The following MDGA2 variants were observed in gnomAD, a reference collection of about 807,000 sequenced individuals.
MDGA2 encodes the protein MAM domain containing glycosylphosphatidylinositol anchor 2.
In MDGA2, 40 loss-of-function variants were observed where a neutral mutation model predicts 117.8. The observed-to-expected ratio is 0.34, with a 90% CI of 0.26 to 0.44. The LOEUF (loss-of-function observed/expected upper bound fraction) is 0.44, where lower values mean the gene tolerates loss of function less well. Among genes scored for constraint, MDGA2 ranks in the 20% least tolerant of loss-of-function variants. The probability of loss-of-function intolerance (pLI) is 1.00; values close to 1 mark genes in which losing one functional copy is unlikely to be tolerated. For missense variants in MDGA2, 1,123 were observed against 1,250.6 expected, an observed-to-expected ratio of 0.90 and a Z score of 1.54; for synonymous variants, 452 against 439.0, an observed-to-expected ratio of 1.03 and a Z score of -0.37.
At chr14:47,574,040 A>G (rs1896069149) in intron 1 of MDGA2, among the ~76,000 whole-genome samples, 1 of 152,164 alleles carries the variant, frequency 6.6e-6, no homozygotes, top group Non-Finnish European at 1.5e-5. Flanking sequence ...TAAACTTCAC[A>G]TGGTGTATAT....
chr14:46,889,341 C>G (rs965371976), intron 10 of MDGA2, among the ~76,000 whole-genome samples: 1 of 151,990 alleles, frequency 6.6e-6, no homozygotes, highest in African/African-American at 2.4e-5. Context: ...CTATTAACAC[C>G]TTTAGAAGTG....
At chr14:47,308,706 A>G (rs1192048886) in intron 1 of MDGA2, among the ~76,000 whole-genome samples, 1 of 151,078 alleles carries the variant, frequency 6.6e-6, no homozygotes, top group Non-Finnish European at 1.5e-5. Context: ...TTATCCTCCC[A>G]TCAACAGGAC....
intron 2 of MDGA2, among the ~76,000 whole-genome samples, chr14:47,258,295 G>T (rs1887687570): frequency 6.6e-6 from 1 of 152,102 alleles, no homozygotes; most frequent in East Asian, 1.9e-4. Flanking sequence ...AGTTCTGCAG[G>T]CTGTACAGGA....
At chr14:46,930,806 G>A (rs1263993197) in intron 9 of MDGA2, among the ~76,000 whole-genome samples, 3 of 151,940 alleles carry the variant, frequency 2.0e-5, no homozygotes, top group Non-Finnish European at 4.4e-5. Flanking sequence ...TTATCTTCCT[G>A]TTTTTTAAAT....
chr14:47,088,304 G>C (rs2138931812), intron 6 of MDGA2, among the ~76,000 whole-genome samples: 1 of 152,070 alleles, frequency 6.6e-6, no homozygotes, highest in African/African-American at 2.4e-5. Context: ...CATTCTCTCT[G>C]GTGTTTTGGG....
At chr14:47,263,138 T>A (rs1887853993) in intron 2 of MDGA2, among the ~76,000 whole-genome samples, 1 of 152,116 alleles carries the variant, frequency 6.6e-6, no homozygotes. Flanking sequence ...GACATCCGGC[T>A]TCTAAGATGC....
intron 8 of MDGA2, among the ~76,000 whole-genome samples, chr14:47,029,863 T>C (rs1441794316): frequency 1.3e-5 from 2 of 152,118 alleles, no homozygotes; most frequent in Non-Finnish European, 2.9e-5. Context: ...AGTATTGCTC[T>C]GTCACTCATG....
intron 1 of MDGA2, among the ~76,000 whole-genome samples, chr14:47,486,218 A>T (rs1305068230): frequency 6.6e-6 from 1 of 152,192 alleles, no homozygotes; most frequent in Non-Finnish European, 1.5e-5. Flanking sequence ...CATGACCTGG[A>T]TGTGAGACAT....
chr14:47,026,862 T>G (rs1888491337), intron 8 of MDGA2, among the ~76,000 whole-genome samples: 1 of 152,182 alleles, frequency 6.6e-6, no homozygotes, highest in Admixed American at 6.5e-5. Flanking sequence ...AACAGAGGCA[T>G]GTAAACTTTT....
rs1882211880 is a variant in MDGA2, at chr14:47,131,702, A to T, written c.925+12T>A. 6.7e-7 allele frequency: 1 copy of T among 1,491,874 alleles called. No individual in the cohort carries two copies. Among genetic ancestry groups the T allele is most frequent in the East Asian group, 2.3e-5 (1 of 43,330 alleles). The allele number at this position is 1,491,874 out of a possible 1,614,324, so 92.4% of individuals were successfully genotyped here. On this transcript the variant is annotated intron_variant, in intron 5 of 16. Coordinates refer to ENST00000399232, the MANE Select transcript of MDGA2 (RefSeq NM_001113498.3). ...GATAAGATACATGTAACATACAGAGATAATTCCATACCTGTTTTATTGGAC... is the reference window on the plus strand; with the variant it reads ...GATAAGATACATGTAACATACAGAGTTAATTCCATACCTGTTTTATTGGAC...
chr14:47,424,238 T>G (rs371894916), intron 1 of MDGA2, among the ~76,000 whole-genome samples: 1 of 152,078 alleles, frequency 6.6e-6, no homozygotes, highest in Admixed American at 6.6e-5. Flanking sequence ...CTGGGTAACA[T>G]GGAGAAACCG....
intron 1 of MDGA2, among the ~76,000 whole-genome samples, chr14:47,356,696 C>T (rs1416161205): frequency 6.6e-6 from 1 of 152,082 alleles, no homozygotes; most frequent in Non-Finnish European, 1.5e-5. Context: ...GAAAGTAGAC[C>T]TCATTTATTT....
chr14:47,224,281 T>A (rs1313623870), intron 2 of MDGA2, among the ~76,000 whole-genome samples: 3 of 44,140 alleles, frequency 6.8e-5, no homozygotes, highest in Non-Finnish European at 1.1e-4. Context: ...CCCAATAGAG[T>A]CTGATATAGA....
At chr14:47,044,218 A>G (rs2138691509) in intron 7 of MDGA2, among the ~76,000 whole-genome samples, 1 of 152,304 alleles carries the variant, frequency 6.6e-6, no homozygotes, top group Admixed American at 6.5e-5. Flanking sequence ...ATAAATTTCA[A>G]GATCATTTTT....
intron 1 of MDGA2, among the ~76,000 whole-genome samples, chr14:47,576,708 C>A (rs1376739256): frequency 6.6e-6 from 1 of 152,138 alleles, no homozygotes; most frequent in Non-Finnish European, 1.5e-5. Context: ...CTGATAACTT[C>A]TTTAGCTCAT....
chr14:47,444,969 A>T (rs1331501050), intron 1 of MDGA2, among the ~76,000 whole-genome samples: 2 of 152,204 alleles, frequency 1.3e-5, no homozygotes, highest in Non-Finnish European at 2.9e-5. Context: ...TGAAATGTAC[A>T]ATGATGCATT....
intron 1 of MDGA2, among the ~76,000 whole-genome samples, chr14:47,448,652 G>A (rs1207894139): frequency 1.3e-5 from 2 of 152,190 alleles, no homozygotes; most frequent in South Asian, 4.1e-4. Context: ...TCTTCAAAGC[G>A]CTCTTCATTT....
chr14:46,946,130 G>A (rs1885164582), intron 9 of MDGA2, among the ~76,000 whole-genome samples: 1 of 151,966 alleles, frequency 6.6e-6, no homozygotes, highest in Non-Finnish European at 1.5e-5. Context: ...AATTTAATCT[G>A]AATAAAAATT....
At chr14:47,334,456 C>A (rs1279809256) in intron 1 of MDGA2, among the ~76,000 whole-genome samples, 1 of 151,808 alleles carries the variant, frequency 6.6e-6, no homozygotes, top group Non-Finnish European at 1.5e-5. Flanking sequence ...AATCACTGAA[C>A]CTCCGGAAGC....
Sources: allele counts gnomAD v4.1 joint callset (sites outside exome capture counted in the v4.1 genomes callset), GRCh38; gene constraint gnomAD v4.1.1; transcripts MANE v1.5; gene names NCBI Gene and HGNC (gene_info 2026-07-23, HGNC 2026-07-21).